FBXW12: variants seen among roughly 807,000 people sequenced by gnomAD.
FBXW12 encodes the protein F-box and WD repeat domain containing 12, also known as F-box/WD repeat-containing protein 12.
FBXW12 carries 43 observed loss-of-function variants against 55.3 expected under a neutral mutation model. The observed-to-expected ratio is 0.78, with a 90% confidence interval of 0.61 to 1.00. The LOEUF (loss-of-function observed/expected upper bound fraction) is 1.00, where lower values mean the gene tolerates loss of function less well. FBXW12 is among the 50% of genes least tolerant of loss of function. The pLI, the probability that FBXW12 is intolerant of heterozygous loss-of-function variation, is 0.00. For synonymous variants in FBXW12, 184 were observed against 203.8 expected, an observed-to-expected ratio of 0.90 and a Z score of 0.83; for missense variants, 524 against 560.5, an observed-to-expected ratio of 0.93 and a Z score of 0.66.
Position 48,372,729 on chromosome 3 carries a change from A to G in FBXW12, c.-39A>G. On this transcript the variant is annotated 5_prime_UTR_variant, in exon 2 of 11. Transcript: ENST00000296438. The stretch of plus-strand genomic sequence containing the variant: ...CCTATAAATTCAGAGCAGCCCGGAG[A>G]GGAGAAAGGAAAGTGGATGTGGGTT... 6.2e-7 allele frequency: 1 copy of G among 1,614,162 alleles called. No homozygotes were observed. Among genetic ancestry groups the G allele is most frequent in the East Asian group, 2.2e-5 (1 of 44,874 alleles).
At chr3:48,391,301 A>C (rs1017138274) in intron 10 of FBXW12, among the ~76,000 whole-genome samples, 2 of 136,658 alleles carry the variant, frequency 1.5e-5, no homozygotes, top group African/African-American at 5.6e-5. Context: ...TAAAAAATAC[A>C]TATTATATCT....
chr3:48,389,892 G>T (rs1288882986), intron 10 of FBXW12, among the ~76,000 whole-genome samples: 2 of 152,126 alleles, frequency 1.3e-5, no homozygotes, highest in East Asian at 1.9e-4. Flanking sequence ...AAAAGTAGGG[G>T]TCCACTTTCA....
chr3:48,384,694 C>CTG (rs561334910), intron 10 of FBXW12, among the ~76,000 whole-genome samples: 156 of 152,236 alleles, frequency 1.0e-3, no homozygotes, highest in Admixed American at 3.5e-3. Context: ...TCCTAGATGG[C>CTG]TGAGAGGTTT....
At chr3:48,386,945 T>A (rs1188501776) in intron 10 of FBXW12, among the ~76,000 whole-genome samples, 2 of 151,388 alleles carry the variant, frequency 1.3e-5, no homozygotes, top group African/African-American at 4.8e-5. Context: ...CTTCTTCTTT[T>A]TTTTTTTTTT....
intron 10 of FBXW12, among the ~76,000 whole-genome samples, chr3:48,390,069 G>C (rs2106653837): frequency 6.6e-6 from 1 of 152,198 alleles, no homozygotes; most frequent in African/African-American, 2.4e-5. Context: ...TTCTGTTTTT[G>C]TACCAATACC....
Position 48,379,521 on chromosome 3 carries a change from T to C in FBXW12, c.737T>C (p.Val246Ala), listed in dbSNP as rs886731701. The change falls in exon 7 of 11, where the codon GTA (valine) becomes GCA (alanine). Residue 246 changes from valine (V) to alanine (A), a missense_variant. Val to Ala is a moderately conservative substitution (Grantham distance 64). Transcript: ENST00000296438. The part of the protein sequence containing the change: ...LLHCSPDKKW[V>A]FACGTYSRTL... ...CACTGCTCTCCTGACAAGAAATGGG[T>C]ATTTGCATGTGGGACATACAGTCGT... 1.4e-5 allele frequency: 22 copies of C among 1,613,998 alleles called. No homozygotes were observed. In the African/African-American group the frequency reaches 2.5e-4, roughly 19 times the overall value.
intron 6 of FBXW12, 80 bp from the exon 7 acceptor site, chr3:48,379,320 C>A: frequency 7.7e-7 from 1 of 1,293,490 alleles, no homozygotes. Context: ...GCATATCTTG[C>A]AGCTCATAGT....
At position 48,392,502 on chromosome 3, in the gene FBXW12, T is replaced by G. The variant is rs1199268872; in HGVS notation, c.1296-2058T>G. 2.0e-5 allele frequency among the ~76,000 whole-genome samples: 3 copies of G among 151,178 alleles called. No homozygotes were observed. The East Asian group carries it at 5.8e-4, about 29-fold the overall frequency. On this transcript the variant is annotated intron_variant, in intron 10 of 10. Transcript: ENST00000296438. Reference sequence around the variant, plus strand: ...CCCACAAGAACCATGATGTTTTGATTACTATAGTTTTGTGATGTATTTTTA... The same window carrying G: ...CCCACAAGAACCATGATGTTTTGATGACTATAGTTTTGTGATGTATTTTTA...
chr3:48,378,674 G>A (rs1399393287), intron 6 of FBXW12, 148 bp downstream of exon 6: 1 of 664,502 alleles, frequency 1.5e-6, no homozygotes, highest in Non-Finnish European at 2.5e-6. Context: ...GAGTGCAGTG[G>A]TGCAATCTTG....
intron 10 of FBXW12, among the ~76,000 whole-genome samples, chr3:48,391,816 C>T (rs923010332): frequency 1.8e-4 from 27 of 152,076 alleles, no homozygotes; most frequent in African/African-American, 6.3e-4. Flanking sequence ...GTTGAACCAA[C>T]CTTGCTCCCA....
Position 48,372,591 on chromosome 3 carries a change from G to A in FBXW12, c.-84-93G>A. ...CCAGCTGTGTGGATCAGGCCCCAGG[G>A]GAGAGGCCGGGGTGGAGGTCAGCCC... On this transcript the variant is annotated intron_variant, in intron 1 of 10. Transcript: ENST00000296438. 2.8e-6 allele frequency: 4 copies of A among 1,437,998 alleles called. No individual in the cohort carries two copies. In the South Asian group the frequency reaches 4.0e-5, roughly 15 times the overall value. The allele number at this position is 1,437,998 out of a possible 1,614,324, so 89.1% of individuals were successfully genotyped here.
rs138600918 is a variant in FBXW12, at chr3:48,391,062, G to A, written c.1296-3498G>A. Among the ~76,000 whole-genome samples, 622 of 139,922 alleles carry A rather than the reference G, an allele frequency of 4.4e-3. 4 individuals are homozygous for A. Among genetic ancestry groups the A allele is most frequent in the African/African-American group, 0.016 (598 of 37,158 alleles). The allele number at this position is 139,922 out of a possible 152,430, so 91.8% of individuals were successfully genotyped here. On this transcript the variant is annotated intron_variant, in intron 10 of 10. Coordinates refer to ENST00000296438, the MANE Select transcript of FBXW12 (RefSeq NM_207102.2). ...AGGCAAGATGATCACTTGAGCCCAG[G>A]AGTTCGAGACAAGCCTGGGCAACAT...
intron 7 of FBXW12, 70 bp from the exon 8 acceptor site, chr3:48,380,632 C>T: frequency 1.8e-6 from 2 of 1,130,752 alleles, no homozygotes; most frequent in Non-Finnish European, 2.7e-6. Context: ...GAAGGCTCTT[C>T]TGGAGTCACT....
intron 8 of FBXW12, among the ~76,000 whole-genome samples, chr3:48,381,344 T>C (rs2036769787): frequency 6.6e-6 from 1 of 152,120 alleles, no homozygotes; most frequent in Admixed American, 6.5e-5. Flanking sequence ...TTTCTTTAGC[T>C]GGGGGTGAAC....
At chr3:48,378,962 T>C (rs899362151) in intron 6 of FBXW12, among the ~76,000 whole-genome samples, 2 of 152,196 alleles carry the variant, frequency 1.3e-5, no homozygotes, top group Admixed American at 1.3e-4. Context: ...ATGAATGTTA[T>C]ACAAACCTCC....
intron 10 of FBXW12, 77 bp from the exon 11 acceptor site, chr3:48,394,483 A>C: frequency 2.4e-6 from 2 of 816,974 alleles, no homozygotes; most frequent in South Asian, 3.0e-5. Context: ...ATCTTAGTCA[A>C]GTTCTAAGTC....
intron 10 of FBXW12, among the ~76,000 whole-genome samples, chr3:48,392,718 T>G (rs2036946894): frequency 6.6e-6 from 1 of 152,200 alleles, no homozygotes; most frequent in Admixed American, 6.5e-5. Context: ...TTGTGCCTCT[T>G]CCTTCTGACT....
chr3:48,392,450 C>CAAAAA (rs33965777), intron 10 of FBXW12, among the ~76,000 whole-genome samples: 1 of 72,676 alleles, frequency 1.4e-5, no homozygotes, highest in Non-Finnish European at 2.5e-5. Flanking sequence ...CACTCAGTCT[C>CAAAAA]AAAAAAAAAA....
chr3:48,372,233 C>T lies in FBXW12; in HGVS notation c.-172C>T, dbSNP rs1193717249. On this transcript the variant is annotated 5_prime_UTR_variant, in exon 1 of 11. Transcript: ENST00000296438. ...AGCTTGGCACGTTCTTTCTCCTCCACTGCAAAGTTAAATGCGAGAAGGTAG... is the reference window on the plus strand; with the variant it reads ...AGCTTGGCACGTTCTTTCTCCTCCATTGCAAAGTTAAATGCGAGAAGGTAG... The T allele has an allele frequency of 5.8e-6, 9 of 1,549,212 alleles. No homozygotes were observed. Among genetic ancestry groups the T allele is most frequent in the Admixed American group, 2.0e-5 (1 of 50,984 alleles).
Sources: gnomAD v4.1 joint callset for allele counts (sites outside exome capture counted in the v4.1 genomes callset) on GRCh38, gnomAD v4.1.1 for gene constraint, MANE v1.5 for transcripts, NCBI Gene and HGNC (gene_info 2026-07-23, HGNC 2026-07-21) for gene names.